The following THSD7A variants were observed in gnomAD, a reference collection of about 807,000 sequenced individuals.
The protein encoded by THSD7A is thrombospondin type-1 domain-containing protein 7A.
In THSD7A, 96 loss-of-function variants were observed where a neutral mutation model predicts 231.3. That is an observed-to-expected ratio of 0.41 (90% CI 0.35 to 0.49). The LOEUF (loss-of-function observed/expected upper bound fraction) is 0.49. THSD7A is among the 20% of genes least tolerant of loss of function. The pLI, the probability that THSD7A is intolerant of heterozygous loss-of-function variation, is 0.05. For synonymous variants in THSD7A, 940 were observed against 743.3 expected (o/e 1.26, Z -4.30); for missense variants, 2,290 against 2,070.2 (o/e 1.11, Z -2.06).
intron 2 of THSD7A, among the ~76,000 whole-genome samples, chr7:11,609,344 C>A (rs1243926716): frequency 6.6e-6 from 1 of 152,090 alleles, no homozygotes; most frequent in African/African-American, 2.4e-5. Context: ...GCCCATGAAA[C>A]CTTCATGGGA....
intron 1 of THSD7A, among the ~76,000 whole-genome samples, chr7:11,722,270 G>C (rs909959499): frequency 6.6e-6 from 1 of 151,826 alleles, no homozygotes; most frequent in African/African-American, 2.4e-5. Flanking sequence ...ACTAATGAAA[G>C]TCTACAAGAT....
intron 23 of THSD7A, chr7:11,384,807 A>C (rs1270654732): frequency 2.0e-5 from 3 of 151,992 alleles, no homozygotes; most frequent in Non-Finnish European, 4.4e-5. Context: ...TCTTAAAAAC[A>C]TTCTGGGATC....
Position 11,509,320 on chromosome 7 carries a change from T to C in THSD7A, c.1823-27338A>G, listed in dbSNP as rs370438890. Among the ~76,000 whole-genome samples the C allele has an allele frequency of 1.3e-4, 20 of 152,246 alleles. No individual in the cohort carries two copies. The South Asian group carries it at 3.9e-3, about 30-fold the overall frequency. Reference sequence around the variant, plus strand: ...GAACTGCAATCATTTCAAGACACAATAACTGACTTATATAATATAAAGTCA... The same window carrying C: ...GAACTGCAATCATTTCAAGACACAACAACTGACTTATATAATATAAAGTCA... On this transcript the variant is annotated intron_variant, in intron 6 of 27. Transcript: ENST00000423059.
chr7:11,545,183 T>A (rs1356830152), intron 4 of THSD7A, among the ~76,000 whole-genome samples: 1 of 152,124 alleles, frequency 6.6e-6, no homozygotes, highest in African/African-American at 2.4e-5. Context: ...TATGGAAACT[T>A]TCGGAGTATC....
chr7:11,706,630 C>CTTTTTTTTTTTTTTTTTTTTTTTTT lies in THSD7A; in HGVS notation c.191-69694_191-69670dup, dbSNP rs66964252. Among the ~76,000 whole-genome samples the CTTTTTTTTTTTTTTTTTTTTTTTTT allele has an allele frequency of 9.0e-5, 6 of 66,420 alleles. 2 individuals are homozygous for CTTTTTTTTTTTTTTTTTTTTTTTTT. Among genetic ancestry groups the CTTTTTTTTTTTTTTTTTTTTTTTTT allele is most frequent in the Admixed American group, 4.1e-4 (2 of 4,850 alleles). 43.6% of individuals were successfully genotyped at this position (66,420 alleles called of 152,430 possible). On this transcript the variant is annotated intron_variant, in intron 1 of 27. Coordinates refer to ENST00000423059, the MANE Select transcript of THSD7A (RefSeq NM_015204.3). ...ATTGACTAAAAATTTTAACAAGGTG[C>CTTTTTTTTTTTTTTTTTTTTTTTTT]TTTTTTTTTTTTTTTTTTTTTTTTT...
intron 2 of THSD7A, among the ~76,000 whole-genome samples, chr7:11,611,019 C>T (rs969560624): frequency 2.0e-5 from 3 of 152,046 alleles, no homozygotes; most frequent in Non-Finnish European, 4.4e-5. Flanking sequence ...CTGTTTGACA[C>T]GCTATAAGAC....
intron 1 of THSD7A, among the ~76,000 whole-genome samples, chr7:11,788,443 A>T (rs769082457): frequency 4.5e-4 from 68 of 152,010 alleles, no homozygotes; most frequent in Admixed American, 1.1e-3. Flanking sequence ...CCCAATCCTC[A>T]TGCCCATTTT....
intron 6 of THSD7A, among the ~76,000 whole-genome samples, chr7:11,517,354 A>G (rs1583890090): frequency 6.6e-6 from 1 of 152,304 alleles, no homozygotes; most frequent in East Asian, 1.9e-4. Flanking sequence ...CTGGGATTAC[A>G]GGCGTGAGCC....
chr7:11,819,700 G>A (rs923768253), intron 1 of THSD7A, among the ~76,000 whole-genome samples: 6 of 152,116 alleles, frequency 3.9e-5, no homozygotes, highest in Non-Finnish European at 7.4e-5. Flanking sequence ...GGAATTTTCC[G>A]GGTAGTAAAC....
At chr7:11,587,482 C>T (rs1779957452) in intron 4 of THSD7A, among the ~76,000 whole-genome samples, 1 of 152,150 alleles carries the variant, frequency 6.6e-6, no homozygotes, top group Non-Finnish European at 1.5e-5. Context: ...AATATAGACA[C>T]TCTCCAATAT....
intron 6 of THSD7A, among the ~76,000 whole-genome samples, chr7:11,504,989 T>A (rs1292330982): frequency 4.6e-5 from 7 of 152,194 alleles, no homozygotes; most frequent in Non-Finnish European, 1.0e-4. Context: ...GTTGTAGGCA[T>A]AAGGCAACTA....
chr7:11,488,555 C>T (rs1487859183), intron 6 of THSD7A, among the ~76,000 whole-genome samples: 1 of 152,046 alleles, frequency 6.6e-6, no homozygotes, highest in African/African-American at 2.4e-5. Flanking sequence ...CAATTTTAAT[C>T]CCTGCATTAT....
intron 1 of THSD7A, among the ~76,000 whole-genome samples, chr7:11,674,524 G>A (rs942977768): frequency 6.6e-6 from 1 of 152,036 alleles, no homozygotes; most frequent in Non-Finnish European, 1.5e-5. Flanking sequence ...AAACATTGCT[G>A]CAAAAAGCAC....
intron 4 of THSD7A, among the ~76,000 whole-genome samples, chr7:11,553,678 T>C (rs1393635271): frequency 1.3e-5 from 2 of 152,062 alleles, no homozygotes; most frequent in African/African-American, 2.4e-5. Flanking sequence ...AATGAATGTA[T>C]ATTCCATGCT....
chr7:11,780,160 T>G (rs1783577794), intron 1 of THSD7A, among the ~76,000 whole-genome samples: 1 of 152,142 alleles, frequency 6.6e-6, no homozygotes, highest in Non-Finnish European at 1.5e-5. Flanking sequence ...AGAAATCCAG[T>G]TACCATGTCT....
At position 11,375,889 on chromosome 7, in the gene THSD7A, A is replaced by T. The variant is rs1339876461; in HGVS notation, c.4890-11T>A. The T allele has an allele frequency of 8.7e-6, 14 of 1,611,308 alleles. No individual in the cohort carries two copies. In the African/African-American group the frequency reaches 1.5e-4, roughly 17 times the overall value. ...TTCTTTGGCTTTTTGCTGTAAAAAAATTCGGAATTAGGAGAAAGAAAATCA... is the reference window on the plus strand; with the variant it reads ...TTCTTTGGCTTTTTGCTGTAAAAAATTTCGGAATTAGGAGAAAGAAAATCA... On this transcript the variant is annotated splice_polypyrimidine_tract_variant and intron_variant, in intron 27 of 27. Transcript: ENST00000423059.
rs76247954 is a variant in THSD7A at position 11,597,085 on chromosome 7, G to T, written c.1023-3583C>A. On this transcript the variant is annotated intron_variant, in intron 2 of 27. Transcript: ENST00000423059. ...GATGACATTATGCTGATTAGATCCA[G>T]TGAGATCTAGTTCTAGAAGTAGCAA... is the stretch of plus-strand genomic sequence containing the variant. Among the ~76,000 whole-genome samples, 2,445 of 152,316 alleles carry T rather than the reference G, an allele frequency of 0.016. 152 individuals carry two copies. In the East Asian group the frequency reaches 0.23, roughly 14 times the overall value.
rs117450485 is a variant in THSD7A, at chr7:11,796,507, T to G, written c.190+35250A>C. Reference sequence around the variant, plus strand: ...TTTTTATTTTTCTAATATTAAAATTTCCATCCAGAATACAGCATATTTTGC... The same window carrying G: ...TTTTTATTTTTCTAATATTAAAATTGCCATCCAGAATACAGCATATTTTGC... On this transcript the variant is annotated intron_variant, in intron 1 of 27. Coordinates refer to ENST00000423059, the MANE Select transcript of THSD7A (RefSeq NM_015204.3). Among the ~76,000 whole-genome samples, 1,030 of 152,126 alleles carry G rather than the reference T, an allele frequency of 6.8e-3. 9 individuals carry two copies. The highest frequency in any genetic ancestry group is 0.034 in the East Asian group (174 of 5,182).
intron 1 of THSD7A, among the ~76,000 whole-genome samples, chr7:11,793,415 T>G (rs371960274): frequency 1.3e-5 from 2 of 151,840 alleles, no homozygotes; most frequent in African/African-American, 4.8e-5. Context: ...GAAATCAGAA[T>G]AATTTTCTTA....
Sources: allele counts gnomAD v4.1 joint callset (sites outside exome capture counted in the v4.1 genomes callset), GRCh38; gene constraint gnomAD v4.1.1; transcripts MANE v1.5; gene names NCBI Gene and HGNC (gene_info 2026-07-23, HGNC 2026-07-21).